The following NXPE2 variants were observed in gnomAD, a reference collection of about 807,000 sequenced individuals.
NXPE2 encodes NXPE family member 2.
Under a neutral mutation model 34.4 loss-of-function variants are expected in NXPE2, and 34 were observed. The observed-to-expected ratio is 0.99, with a 90% CI of 0.75 to 1.31. NXPE2 has a LOEUF of 1.31. Ranked by LOEUF, NXPE2 falls within the 40% of genes most tolerant of loss-of-function variation. The probability of loss-of-function intolerance (pLI) is 0.00; values close to 1 mark genes in which losing one functional copy is unlikely to be tolerated. For synonymous variants in NXPE2, 235 were observed against 231.3 expected (o/e 1.02, Z -0.15); for missense variants, 649 against 672.5 (o/e 0.97, Z 0.39).
At chr11:114,526,434 C>A in the NXPE2 span, 1 of 90,642 alleles carries the variant, frequency 1.1e-5, no homozygotes. Context: ...TCCTTAGTGA[C>A]ATTTTAAATT....
At chr11:114,661,108 G>T in the NXPE2 span, among the ~76,000 whole-genome samples, 3 of 152,056 alleles carry the variant, frequency 2.0e-5, no homozygotes, top group African/African-American at 7.2e-5. Flanking sequence ...AGAAATCAAA[G>T]AAGACATAAA....
At chr11:114,666,535 A>G in the NXPE2 span, among the ~76,000 whole-genome samples, 3 of 152,086 alleles carry the variant, frequency 2.0e-5, no homozygotes, top group Non-Finnish European at 4.4e-5. Context: ...TCTTTTTTTC[A>G]GAAATGGTAA....
chr11:114,695,868 A>AG, intron 2 of NXPE2, among the ~76,000 whole-genome samples: 1 of 53,960 alleles, frequency 1.9e-5, no homozygotes, highest in African/African-American at 5.7e-5. Flanking sequence ...CACACACACA[A>AG]TTAGCTGGGT....
At chr11:114,578,117 G>A in the NXPE2 span, among the ~76,000 whole-genome samples, 1 of 152,188 alleles carries the variant, frequency 6.6e-6, no homozygotes, top group Non-Finnish European at 1.5e-5. Context: ...AATGTTCAGA[G>A]GAGGATTATT....
At chr11:114,679,919 A>G (rs2135530039) in intron 2 of NXPE2, among the ~76,000 whole-genome samples, 157 bp downstream of exon 2, 1 of 152,112 alleles carries the variant, frequency 6.6e-6, no homozygotes, top group East Asian at 1.9e-4. Flanking sequence ...CCCTTTGGCA[A>G]TGCATATATT....
At chr11:114,738,517 T>G in the NXPE2 span, among the ~76,000 whole-genome samples, 1 of 152,194 alleles carries the variant, frequency 6.6e-6, no homozygotes, top group Non-Finnish European at 1.5e-5. Context: ...CTTGGTGTTT[T>G]TCCTCTTTAG....
the NXPE2 span, among the ~76,000 whole-genome samples, chr11:114,783,573 T>C: frequency 1.3e-5 from 2 of 152,246 alleles, no homozygotes; most frequent in Admixed American, 6.5e-5. Context: ...TTGGTTACTT[T>C]GTGTGCTCAA....
At chr11:114,689,059 T>C (rs1951100408) in intron 2 of NXPE2, among the ~76,000 whole-genome samples, 1 of 152,094 alleles carries the variant, frequency 6.6e-6, no homozygotes, top group Admixed American at 6.6e-5. Context: ...TTGTGGATCC[T>C]TTGTATTTTT....
downstream of NXPE2, chr11:114,707,577 G>A (rs796714797): frequency 1.3e-4 from 28 of 210,494 alleles, no homozygotes; most frequent in African/African-American, 3.1e-4. Context: ...ATTTTTAAGC[G>A]TACAATTCAG....
the NXPE2 span, among the ~76,000 whole-genome samples, chr11:114,733,506 G>A: frequency 6.6e-6 from 1 of 152,168 alleles, no homozygotes; most frequent in Non-Finnish European, 1.5e-5. Flanking sequence ...GTGATTTGGG[G>A]TACTGAAACC....
At chr11:114,560,405 G>T in the NXPE2 span, among the ~76,000 whole-genome samples, 77 of 151,894 alleles carry the variant, frequency 5.1e-4, no homozygotes, top group African/African-American at 1.8e-3. Context: ...GGGGCTACAG[G>T]TGCATGCTGC....
chr11:114,637,163 T>C, the NXPE2 span, among the ~76,000 whole-genome samples: 1 of 151,892 alleles, frequency 6.6e-6, no homozygotes, highest in African/African-American at 2.4e-5. Context: ...TGGGTCCATA[T>C]ATATTTAGGA....
chr11:114,500,278 T>C, the NXPE2 span, among the ~76,000 whole-genome samples: 2 of 152,124 alleles, frequency 1.3e-5, no homozygotes, highest in African/African-American at 4.8e-5. Context: ...TAATTGATAT[T>C]GTCAGTCTTT....
the NXPE2 span, chr11:114,522,172 G>C: frequency 6.2e-7 from 1 of 1,613,946 alleles, no homozygotes; most frequent in Non-Finnish European, 8.5e-7. Context: ...GCATCTCCCT[G>C]ATGTTTTCTG....
At chr11:114,470,748 A>C in the NXPE2 span, among the ~76,000 whole-genome samples, 1 of 152,230 alleles carries the variant, frequency 6.6e-6, no homozygotes, top group East Asian at 1.9e-4. Flanking sequence ...TCAAGTCCAA[A>C]GGCTGGAGGT....
chr11:114,565,339 T>G, the NXPE2 span, among the ~76,000 whole-genome samples: 1 of 152,228 alleles, frequency 6.6e-6, no homozygotes, highest in African/African-American at 2.4e-5. Context: ...AATAGGTGGC[T>G]GTTACATTCC....
the NXPE2 span, among the ~76,000 whole-genome samples, chr11:114,522,713 A>G: frequency 6.6e-6 from 1 of 152,232 alleles, no homozygotes; most frequent in South Asian, 2.1e-4. Context: ...GAAGACCAAC[A>G]TTTCTTATGA....
chr11:114,658,014 C>A, the NXPE2 span, among the ~76,000 whole-genome samples: 1 of 152,146 alleles, frequency 6.6e-6, no homozygotes, highest in Non-Finnish European at 1.5e-5. Context: ...ATTATATTTC[C>A]TGGTCTAAGG....
the NXPE2 span, among the ~76,000 whole-genome samples, chr11:114,776,030 C>T: frequency 2.0e-5 from 3 of 152,328 alleles, no homozygotes; most frequent in African/African-American, 7.2e-5. Flanking sequence ...ATGACCCAAA[C>T]ACCTCTCCTG....
Sources: allele counts gnomAD v4.1 joint callset (sites outside exome capture counted in the v4.1 genomes callset), GRCh38; gene constraint gnomAD v4.1.1; transcripts MANE v1.5; gene names NCBI Gene and HGNC (gene_info 2026-07-23, HGNC 2026-07-21).